SLC4A4: variants seen among roughly 807,000 people sequenced by gnomAD.
SLC4A4 encodes electrogenic sodium bicarbonate cotransporter 1.
A neutral mutation model predicts 111.5 loss-of-function variants in SLC4A4; 27 were observed. The observed-to-expected ratio is 0.24, with a 90% confidence interval of 0.18 to 0.33. The LOEUF is 0.33. Among genes scored for constraint, SLC4A4 ranks in the 10% least tolerant of loss-of-function variants. SLC4A4 has a pLI of 1.00. For missense variants in SLC4A4, 909 were observed against 1,315.5 expected, an observed-to-expected ratio of 0.69 and a Z score of 4.78; for synonymous variants, 443 against 463.4, an observed-to-expected ratio of 0.96 and a Z score of 0.57.
intron 7 of SLC4A4, among the ~76,000 whole-genome samples, chr4:71,411,887 A>G (rs1395206353): frequency 6.6e-6 from 1 of 152,234 alleles, no homozygotes; most frequent in Non-Finnish European, 1.5e-5. Flanking sequence ...CCGCATGAAC[A>G]TCAGAAGGTT....
At chr4:71,500,136 A>G (rs1316532258) in intron 16 of SLC4A4, among the ~76,000 whole-genome samples, 1 of 152,176 alleles carries the variant, frequency 6.6e-6, no homozygotes, top group Non-Finnish European at 1.5e-5. Context: ...GTGTGAGGTC[A>G]TATCTCATTG....
intron 7 of SLC4A4, among the ~76,000 whole-genome samples, chr4:71,399,039 A>G (rs952116080): frequency 3.9e-5 from 6 of 152,208 alleles, no homozygotes; most frequent in African/African-American, 1.4e-4. Flanking sequence ...TAAATAATAC[A>G]TCATAGCAAC....
chr4:71,105,458 C>T (rs1359093001), intron 2 of SLC4A4, among the ~76,000 whole-genome samples: 18 of 151,696 alleles, frequency 1.2e-4, no homozygotes, highest in South Asian at 4.2e-4. Flanking sequence ...GAGCCCGCAT[C>T]GCCAAGGCAC....
intron 3 of SLC4A4, among the ~76,000 whole-genome samples, chr4:71,259,406 A>G (rs780281433): frequency 6.6e-6 from 1 of 152,066 alleles, no homozygotes; most frequent in African/African-American, 2.4e-5. Flanking sequence ...CACAGCTGCT[A>G]TTCCCAGTGT....
intron 12 of SLC4A4, among the ~76,000 whole-genome samples, chr4:71,460,258 A>G (rs1726695551): frequency 6.6e-6 from 1 of 152,016 alleles, no homozygotes. Flanking sequence ...ATTTACCCAC[A>G]TATTTTAGTT....
At chr4:71,297,493 TAC>T (rs1469950773) in intron 3 of SLC4A4, among the ~76,000 whole-genome samples, 8 of 135,662 alleles carry the variant, frequency 5.9e-5, no homozygotes, top group South Asian at 2.4e-4. Context: ...TCTGGCTTGA[TAC>T]ACACACACAG....
intron 3 of SLC4A4, among the ~76,000 whole-genome samples, chr4:71,305,726 G>A (rs1420077401): frequency 1.3e-5 from 2 of 152,218 alleles, no homozygotes; most frequent in African/African-American, 4.8e-5. Context: ...ACAGCAGTGT[G>A]TCCAGGCACA....
At chr4:71,158,688 G>T (rs1440169158) in intron 2 of SLC4A4, among the ~76,000 whole-genome samples, 1 of 152,156 alleles carries the variant, frequency 6.6e-6, no homozygotes, top group East Asian at 1.9e-4. Context: ...TATCAATATA[G>T]ATTTTGATTT....
At chr4:71,086,413 T>A (rs1032672287) in intron 1 of SLC4A4, among the ~76,000 whole-genome samples, 2 of 151,960 alleles carry the variant, frequency 1.3e-5, no homozygotes, top group African/African-American at 4.8e-5. Context: ...TCCTGCCTGA[T>A]TGCCCTGGCC....
chr4:71,568,025 C>G lies in SLC4A4; in HGVS notation c.*274C>G. 1 of 636,104 alleles carries G rather than the reference C, an allele frequency of 1.6e-6. No individual in the cohort carries two copies. The highest frequency in any genetic ancestry group is 2.8e-6 in the Non-Finnish European group (1 of 353,000). 39.4% of individuals were successfully genotyped at this position (636,104 alleles called of 1,614,324 possible). On this transcript the variant is annotated 3_prime_UTR_variant, in exon 26 of 26. Transcript: ENST00000264485. Reference sequence around the variant, plus strand: ...GCCAAATAATACAGCGCTCTCTCTGCTTCTCTCTTGCATAGACACAATCAA... The same window carrying G: ...GCCAAATAATACAGCGCTCTCTCTGGTTCTCTCTTGCATAGACACAATCAA...
intron 3 of SLC4A4, among the ~76,000 whole-genome samples, chr4:71,259,998 T>C (rs1721734110): frequency 6.6e-6 from 1 of 152,214 alleles, no homozygotes; most frequent in Non-Finnish European, 1.5e-5. Context: ...CGTTGTGGAA[T>C]CATAGCGCTA....
intron 3 of SLC4A4, among the ~76,000 whole-genome samples, chr4:71,308,260 A>G (rs1012718950): frequency 2.0e-5 from 3 of 152,216 alleles, no homozygotes; most frequent in African/African-American, 7.2e-5. Flanking sequence ...CTCAATATAC[A>G]TAGTAGTTGT....
chr4:71,546,245 A>T lies in SLC4A4; in HGVS notation c.2443-105A>T, dbSNP rs1050091955. 1.6e-5 allele frequency: 16 copies of T among 989,046 alleles called. No homozygotes were observed. In the African/African-American group the frequency reaches 2.1e-4, roughly 13 times the overall value. 61.3% of individuals were successfully genotyped at this position (989,046 alleles called of 1,614,324 possible). A position where few individuals can be genotyped will look rare whatever the true frequency, so the allele number is the denominator to read the frequency against. ...TTTCAAGGAGTTTAACTTACCAAGCAAAGCAAGTCAGTTTCCTTTGGTCAT... is the reference window on the plus strand; with the variant it reads ...TTTCAAGGAGTTTAACTTACCAAGCTAAGCAAGTCAGTTTCCTTTGGTCAT... On this transcript the variant is annotated intron_variant, in intron 18 of 25. Coordinates refer to ENST00000264485, the MANE Select transcript of SLC4A4 (RefSeq NM_001098484.3).
chr4:71,122,313 CAA>C (rs10611413), intron 2 of SLC4A4, among the ~76,000 whole-genome samples: 2,673 of 117,328 alleles, frequency 0.023, 61 homozygotes, highest in African/African-American at 0.085. Flanking sequence ...GACTCTGTCT[CAA>C]AAAAAAAAAA....
chr4:71,347,735 G>T (rs1400890861), intron 4 of SLC4A4, among the ~76,000 whole-genome samples: 9 of 152,026 alleles, frequency 5.9e-5, no homozygotes, highest in Non-Finnish European at 1.3e-4. Flanking sequence ...ACAGGCTGTT[G>T]GCAGCTGATA....
chr4:71,550,090 T>G (rs2123667), intron 20 of SLC4A4, among the ~76,000 whole-genome samples: 146,482 of 151,946 alleles, frequency 0.96, 70,873 homozygotes, highest in Middle Eastern at 1. Flanking sequence ...TTACCCCAAG[T>G]AGTCATTGTA....
At chr4:71,144,587 T>C (rs1363760269) in intron 2 of SLC4A4, among the ~76,000 whole-genome samples, 1 of 151,732 alleles carries the variant, frequency 6.6e-6, no homozygotes. Flanking sequence ...GAGCATGGAA[T>C]GTTCTTCCAT....
At chr4:71,224,198 G>T (rs1311002280) in intron 1 of SLC4A4, among the ~76,000 whole-genome samples, 1 of 152,086 alleles carries the variant, frequency 6.6e-6, no homozygotes, top group Non-Finnish European at 1.5e-5. Flanking sequence ...GATCCTCTCA[G>T]TCCCTTCCCA....
In SLC4A4 at chr4:71,568,458, C is replaced by G. The variant is rs1737689772; in HGVS notation, c.*707C>G. ...AGGTACTTTACTCCCTATAGAGAAA[C>G]CATTGCCATCATTGTAGCAAGTGCT... On this transcript the variant is annotated 3_prime_UTR_variant, in exon 26 of 26. Coordinates refer to ENST00000264485, the MANE Select transcript of SLC4A4 (RefSeq NM_001098484.3). 6.6e-6 allele frequency: 1 copy of G among 152,172 alleles called. No individual in the cohort carries two copies. The highest frequency in any genetic ancestry group is 2.4e-5 in the African/African-American group (1 of 41,372). 9.4% of individuals were successfully genotyped at this position (152,172 alleles called of 1,614,324 possible).
Sources: allele counts gnomAD v4.1 joint callset (sites outside exome capture counted in the v4.1 genomes callset), GRCh38; gene constraint gnomAD v4.1.1; transcripts MANE v1.5; gene names NCBI Gene and HGNC (gene_info 2026-07-23, HGNC 2026-07-21).